The following PDE8B variants were observed in gnomAD, a reference collection of about 807,000 sequenced individuals.
PDE8B encodes high affinity cAMP-specific and IBMX-insensitive 3',5'-cyclic phosphodiesterase 8B.
In PDE8B, 26 loss-of-function variants were observed where a neutral mutation model predicts 101.3. The observed-to-expected ratio is 0.26, with a 90% CI of 0.19 to 0.36. The LOEUF (loss-of-function observed/expected upper bound fraction) is 0.36. Among genes scored for constraint, PDE8B ranks in the 10% least tolerant of loss-of-function variants. The probability of loss-of-function intolerance (pLI) is 1.00; values close to 1 mark genes in which losing one functional copy is unlikely to be tolerated. For missense variants in PDE8B, 810 were observed against 1,163.1 expected (o/e 0.70, Z 4.42); for synonymous variants, 424 against 429.3 (o/e 0.99, Z 0.15).
At chr5:77,314,659 A>G (rs1773402404) in intron 2 of PDE8B, among the ~76,000 whole-genome samples, 1 of 152,070 alleles carries the variant, frequency 6.6e-6, no homozygotes, top group Non-Finnish European at 1.5e-5. Context: ...AGGATTTTCT[A>G]TGTACAAGAT....
chr5:77,193,512 A>G, the PDE8B span, among the ~76,000 whole-genome samples: 2 of 152,120 alleles, frequency 1.3e-5, no homozygotes, highest in African/African-American at 2.4e-5. Flanking sequence ...TCTGGACACT[A>G]TTTTATTCCA....
intron 1 of PDE8B, among the ~76,000 whole-genome samples, chr5:77,258,578 G>A (rs1015101982): frequency 6.6e-6 from 1 of 152,254 alleles, no homozygotes; most frequent in African/African-American, 2.4e-5. Flanking sequence ...AAAACAGGCT[G>A]GACCTGATAG....
chr5:77,173,977 A>AGAG, the PDE8B span, among the ~76,000 whole-genome samples: 1 of 152,164 alleles, frequency 6.6e-6, no homozygotes, highest in Non-Finnish European at 1.5e-5. Context: ...TTATGCTGGG[A>AGAG]CCAACCACTG....
chr5:77,367,319 G>C (rs1313536679), intron 10 of PDE8B, among the ~76,000 whole-genome samples: 9 of 152,110 alleles, frequency 5.9e-5, no homozygotes, highest in Non-Finnish European at 1.3e-4. Context: ...GGTTCCTCTT[G>C]ATTCAGTGGT....
In PDE8B at chr5:77,409,130, T is replaced by C. The variant is rs185588945; in HGVS notation, c.1530+73T>C. 647 of 1,300,538 alleles carry C rather than the reference T, an allele frequency of 5.0e-4. 7 individuals are homozygous for C. In the Admixed American group the frequency reaches 0.011, roughly 21 times the overall value. The allele number at this position is 1,300,538 out of a possible 1,614,324, so 80.6% of individuals were successfully genotyped here. ...TCTAGAGTGCAGCTGATGTGGAAAC[T>C]GTTACCTGTGGTTGCAGAAGTACCT... On this transcript the variant is annotated intron_variant, in intron 14 of 21. Coordinates refer to ENST00000264917, the MANE Select transcript of PDE8B (RefSeq NM_003719.5).
At chr5:77,226,866 A>G (rs1185695150) in intron 1 of PDE8B, among the ~76,000 whole-genome samples, 2 of 152,116 alleles carry the variant, frequency 1.3e-5, no homozygotes, top group Non-Finnish European at 1.5e-5. Flanking sequence ...TGTTTAGAGG[A>G]GGTTTGTCTT....
chr5:77,112,154 G>C, the PDE8B span: 1 of 152,116 alleles, frequency 6.6e-6, no homozygotes, highest in East Asian at 1.9e-4. Flanking sequence ...TTGGAAGTAG[G>C]CTCATTTCCA....
chr5:77,270,044 T>C (rs1433340982), intron 1 of PDE8B, among the ~76,000 whole-genome samples: 1 of 152,220 alleles, frequency 6.6e-6, no homozygotes. Context: ...TTGCATTGAA[T>C]CTGTAGATTG....
At chr5:77,185,512 A>G in the PDE8B span, among the ~76,000 whole-genome samples, 23 of 152,130 alleles carry the variant, frequency 1.5e-4, no homozygotes, top group African/African-American at 5.3e-4. Context: ...TAAAGACTCT[A>G]TCTCCAAATA....
the PDE8B span, chr5:77,148,389 T>C: frequency 6.6e-6 from 1 of 152,254 alleles, no homozygotes; most frequent in African/African-American, 2.4e-5. Flanking sequence ...CTTGGGTAGG[T>C]TCCTATGAGT....
chr5:77,332,055 A>G (rs2150298274), intron 5 of PDE8B, among the ~76,000 whole-genome samples: 1 of 152,310 alleles, frequency 6.6e-6, no homozygotes, highest in Admixed American at 6.5e-5. Flanking sequence ...CCAGCATCTC[A>G]GGGTAGAAAT....
At position 77,298,840 on chromosome 5, in the gene PDE8B, A is replaced by G. The variant is rs75189807; in HGVS notation, c.340-13154A>G. Among the ~76,000 whole-genome samples, 107 of 152,364 alleles carry G rather than the reference A, an allele frequency of 7.0e-4. 1 individual carries two copies. Among genetic ancestry groups the G allele is most frequent in the East Asian group, 6.7e-3 (35 of 5,190 alleles). On this transcript the variant is annotated intron_variant, in intron 1 of 21. Transcript: ENST00000264917. ...ACCTCTTCAAATCTGAGGGTGAAGA[A>G]AGTGGATGCCTACCTCCACCAGGTA...
chr5:77,299,739 G>A (rs1474521788), intron 1 of PDE8B, among the ~76,000 whole-genome samples: 1 of 152,106 alleles, frequency 6.6e-6, no homozygotes, highest in East Asian at 1.9e-4. Flanking sequence ...ACATACGTGT[G>A]CATGTGTCTT....
intron 17 of PDE8B, among the ~76,000 whole-genome samples, chr5:77,414,975 A>G (rs1288241020): frequency 6.6e-6 from 1 of 152,240 alleles, no homozygotes; most frequent in Non-Finnish European, 1.5e-5. Flanking sequence ...ATATTTCTTT[A>G]AATTGTGAGT....
chr5:77,255,768 G>A (rs1246260929), intron 1 of PDE8B, among the ~76,000 whole-genome samples: 3 of 152,236 alleles, frequency 2.0e-5, no homozygotes, highest in Admixed American at 2.0e-4. Context: ...GGTTGACAGT[G>A]TCATGGTACA....
Position 77,219,983 on chromosome 5 carries a change from T to C in PDE8B, c.339+8719T>C, listed in dbSNP as rs555502580. On this transcript the variant is annotated intron_variant, in intron 1 of 21. Coordinates refer to ENST00000264917, the MANE Select transcript of PDE8B (RefSeq NM_003719.5). ...CCTCAGACACACACATGCATGCACG[T>C]GCACACACCTGCTCTAGGAAGTGTT... Among the ~76,000 whole-genome samples the C allele has an allele frequency of 3.8e-3, 578 of 152,294 alleles. 2 individuals carry two copies. The highest frequency in any genetic ancestry group is 0.013 in the African/African-American group (548 of 41,572).
chr5:77,343,726 T>C (rs932476345), intron 6 of PDE8B, among the ~76,000 whole-genome samples: 1 of 152,230 alleles, frequency 6.6e-6, no homozygotes, highest in African/African-American at 2.4e-5. Flanking sequence ...AGCTTACTGC[T>C]ACTTTTTAAC....
intron 5 of PDE8B, among the ~76,000 whole-genome samples, chr5:77,332,279 A>G (rs946917314): frequency 2.6e-5 from 4 of 152,202 alleles, no homozygotes; most frequent in Non-Finnish European, 4.4e-5. Flanking sequence ...AATAACAAAT[A>G]TATATATTAC....
intron 10 of PDE8B, among the ~76,000 whole-genome samples, chr5:77,357,714 A>C (rs1782357460): frequency 6.6e-6 from 1 of 152,236 alleles, no homozygotes; most frequent in Non-Finnish European, 1.5e-5. Flanking sequence ...CAAGGACCCA[A>C]GGACTCAAGG....
Sources: allele counts gnomAD v4.1 joint callset (sites outside exome capture counted in the v4.1 genomes callset), GRCh38; gene constraint gnomAD v4.1.1; transcripts MANE v1.5; gene names NCBI Gene and HGNC (gene_info 2026-07-23, HGNC 2026-07-21).